The following GALNT17 variants were observed in gnomAD, a reference collection of about 807,000 sequenced individuals.
The protein encoded by GALNT17 is polypeptide N-acetylgalactosaminyltransferase 17.
Under a neutral mutation model 63.7 loss-of-function variants are expected in GALNT17, and 29 were observed. The observed-to-expected ratio is 0.46, with a 90% CI of 0.34 to 0.62. The LOEUF is 0.62. GALNT17 is among the 20% of genes least tolerant of loss of function. The probability of loss-of-function intolerance (pLI) is 0.01; values close to 1 mark genes in which losing one functional copy is unlikely to be tolerated. For synonymous variants in GALNT17, 305 were observed against 318.3 expected (o/e 0.96, Z 0.45); for missense variants, 603 against 799.6 (o/e 0.75, Z 2.97).
intron 5 of GALNT17, among the ~76,000 whole-genome samples, chr7:71,434,629 G>A (rs771642416): frequency 9.2e-5 from 14 of 152,120 alleles, no homozygotes; most frequent in Non-Finnish European, 1.9e-4. Flanking sequence ...TTTGCCACCC[G>A]TGGGTTCTGT....
chr7:71,204,588 CAG>C (rs1327974252), intron 1 of GALNT17, among the ~76,000 whole-genome samples: 1 of 142,436 alleles, frequency 7.0e-6, no homozygotes, highest in East Asian at 2.1e-4. Flanking sequence ...TTTTTTGAGA[CAG>C]AGTCTCACCC....
At chr7:71,664,641 A>G (rs1470060856) in intron 6 of GALNT17, among the ~76,000 whole-genome samples, 1 of 152,152 alleles carries the variant, frequency 6.6e-6, no homozygotes, top group Non-Finnish European at 1.5e-5. Flanking sequence ...TTAACCCAGA[A>G]CTAGATCATT....
intron 1 of GALNT17, among the ~76,000 whole-genome samples, chr7:71,258,881 A>T (rs1449333872): frequency 2.1e-5 from 3 of 144,516 alleles, no homozygotes; most frequent in Non-Finnish European, 4.6e-5. Flanking sequence ...TGCTAAGTAG[A>T]AAGTAAGTGA....
chr7:71,521,847 G>T (rs1269705309), intron 5 of GALNT17, among the ~76,000 whole-genome samples: 1 of 152,172 alleles, frequency 6.6e-6, no homozygotes, highest in African/African-American at 2.4e-5. Flanking sequence ...TGTATTAAAA[G>T]TGTAACTGGT....
At chr7:71,236,461 C>T (rs59656773) in intron 1 of GALNT17, among the ~76,000 whole-genome samples, 6,303 of 152,214 alleles carry the variant, frequency 0.041, 410 homozygotes, top group African/African-American at 0.14. Flanking sequence ...CTGCTTAGGG[C>T]GTTTTTCTCC....
intron 2 of GALNT17, among the ~76,000 whole-genome samples, chr7:71,372,012 A>C (rs1328080285): frequency 1.3e-5 from 2 of 151,932 alleles, no homozygotes; most frequent in African/African-American, 2.4e-5. Context: ...ACAGGGTCTC[A>C]CTCTGTCACC....
intron 2 of GALNT17, among the ~76,000 whole-genome samples, chr7:71,356,214 A>G (rs2527286): frequency 0.62 from 94,490 of 151,926 alleles, 29,635 homozygotes; most frequent in East Asian, 0.85. Flanking sequence ...CTGTCCTCAA[A>G]TGATCCTCTT....
chr7:71,685,414 G>A (rs973330107), intron 9 of GALNT17: 8 of 152,272 alleles, frequency 5.3e-5, no homozygotes, highest in East Asian at 3.9e-4. Flanking sequence ...TCCAACCCCC[G>A]ACCTAGTGGA....
At chr7:71,244,216 G>A (rs1342242553) in intron 1 of GALNT17, among the ~76,000 whole-genome samples, 1 of 152,170 alleles carries the variant, frequency 6.6e-6, no homozygotes, top group Non-Finnish European at 1.5e-5. Flanking sequence ...CTAGTTCAAT[G>A]CATCCTTCTT....
At chr7:71,523,159 C>G (rs1470911717) in intron 5 of GALNT17, among the ~76,000 whole-genome samples, 1 of 152,224 alleles carries the variant, frequency 6.6e-6, no homozygotes, top group Non-Finnish European at 1.5e-5. Context: ...GGTGCAGTGG[C>G]TCATGCGTGT....
intron 2 of GALNT17, among the ~76,000 whole-genome samples, chr7:71,376,380 T>G (rs751567300): frequency 2.7e-5 from 4 of 147,706 alleles, no homozygotes; most frequent in Non-Finnish European, 6.0e-5. Context: ...TTTTTAGAAA[T>G]TCTATTCCTG....
chr7:71,442,903 G>A (rs184554406), intron 5 of GALNT17, among the ~76,000 whole-genome samples: 1 of 152,304 alleles, frequency 6.6e-6, no homozygotes, highest in African/African-American at 2.4e-5. Flanking sequence ...GTATTTTGGA[G>A]TTTAACTTCC....
chr7:71,491,935 C>T (rs189760879), intron 5 of GALNT17, among the ~76,000 whole-genome samples: 1 of 152,182 alleles, frequency 6.6e-6, no homozygotes, highest in East Asian at 1.9e-4. Flanking sequence ...GTGGGAGGAT[C>T]GCTTGAGCCC....
At chr7:71,385,269 G>A (rs1792920071) in intron 2 of GALNT17, among the ~76,000 whole-genome samples, 1 of 152,114 alleles carries the variant, frequency 6.6e-6, no homozygotes, top group African/African-American at 2.4e-5. Context: ...AAGGGCTGGA[G>A]GCTGAGCTCA....
intron 2 of GALNT17, among the ~76,000 whole-genome samples, chr7:71,383,142 A>G (rs1792876942): frequency 6.6e-6 from 1 of 152,206 alleles, no homozygotes; most frequent in East Asian, 1.9e-4. Context: ...AGTAATCCTC[A>G]AAGTTCATCC....
At chr7:71,418,529 T>G (rs734053) in intron 4 of GALNT17, among the ~76,000 whole-genome samples, 3 of 152,214 alleles carry the variant, frequency 2.0e-5, no homozygotes, top group Non-Finnish European at 4.4e-5. Flanking sequence ...TCTAGGACAT[T>G]CCATCTTTGT....
At chr7:71,551,704 G>A (rs1056369294) in intron 5 of GALNT17, among the ~76,000 whole-genome samples, 1 of 150,862 alleles carries the variant, frequency 6.6e-6, no homozygotes, top group African/African-American at 2.4e-5. Flanking sequence ...GGTACATTGA[G>A]CTATGATCAC....
chr7:71,623,616 G>A (rs1334668592), intron 6 of GALNT17, among the ~76,000 whole-genome samples: 1 of 151,808 alleles, frequency 6.6e-6, no homozygotes, highest in Non-Finnish European at 1.5e-5. Context: ...CCAGGCTGGA[G>A]TGCCGGACAA....
At chr7:71,515,316 G>A (rs537399301) in intron 5 of GALNT17, among the ~76,000 whole-genome samples, 36 of 152,280 alleles carry the variant, frequency 2.4e-4, no homozygotes, top group African/African-American at 7.7e-4. Flanking sequence ...TGGACTGTGC[G>A]TCTGCCAGGA....
Sources: allele counts gnomAD v4.1 joint callset (sites outside exome capture counted in the v4.1 genomes callset), GRCh38; gene constraint gnomAD v4.1.1; transcripts MANE v1.5; gene names NCBI Gene and HGNC (gene_info 2026-07-23, HGNC 2026-07-21).